SPATA22: variants seen among roughly 807,000 people sequenced by gnomAD.
SPATA22 encodes spermatogenesis-associated protein 22.
Under a neutral mutation model 47.8 loss-of-function variants are expected in SPATA22, and 29 were observed. The observed-to-expected ratio is 0.61, with a 90% CI of 0.45 to 0.83. The LOEUF is 0.83. Among genes scored for constraint, SPATA22 ranks in the 40% least tolerant of loss-of-function variants. The probability of loss-of-function intolerance (pLI) is 0.00; values close to 1 mark genes in which losing one functional copy is unlikely to be tolerated. For missense variants in SPATA22, 410 were observed against 421.7 expected, an observed-to-expected ratio of 0.97 and a Z score of 0.24; for synonymous variants, 133 against 140.9, an observed-to-expected ratio of 0.94 and a Z score of 0.40.
At chr17:3,456,018 G>A (rs1449683369) in intron 5 of SPATA22, among the ~76,000 whole-genome samples, 2 of 152,164 alleles carry the variant, frequency 1.3e-5, no homozygotes, top group Non-Finnish European at 2.9e-5. Flanking sequence ...CACGTCCCTT[G>A]TAAGTTGGAT....
At position 3,449,011 on chromosome 17, in the gene SPATA22, T is replaced by C. The variant is rs1567594015; in HGVS notation, c.468A>G (p.Lys156=). 1.2e-6 allele frequency: 2 copies of C among 1,613,966 alleles called. No individual in the cohort carries two copies. Among genetic ancestry groups the C allele is most frequent in the South Asian group, 2.2e-5 (2 of 91,072 alleles). ...CPVSSGAQQQ[K]QLRIPEPPNL... ...TAGGAGGTTCAGGTATTCTTAATTG[T>C]TTTTGTTGTTGAGCTCCCGAACTCA... is the stretch of plus-strand genomic sequence containing the variant. The change falls in exon 6 of 9, where the codon AAA becomes AAG. Residue 156 remains lysine (K), a synonymous_variant. Coordinates refer to ENST00000572969, the MANE Select transcript of SPATA22 (RefSeq NM_001170698.2).
intron 1 of SPATA22, among the ~76,000 whole-genome samples, chr17:3,503,665 C>T (rs1179799948): frequency 6.6e-6 from 1 of 152,168 alleles, no homozygotes; most frequent in African/African-American, 2.4e-5. Context: ...TTCCCTTTTA[C>T]AGTCTTTAAA....
chr17:3,503,738 T>G (rs1407578424), intron 1 of SPATA22, among the ~76,000 whole-genome samples: 1 of 152,204 alleles, frequency 6.6e-6, no homozygotes, highest in Non-Finnish European at 1.5e-5. Context: ...GCTGTGTGGT[T>G]TTAGCCACTT....
At chr17:3,453,196 G>A (rs1238207633) in intron 5 of SPATA22, among the ~76,000 whole-genome samples, 1 of 152,144 alleles carries the variant, frequency 6.6e-6, no homozygotes, top group Non-Finnish European at 1.5e-5. Flanking sequence ...CACTTCATGG[G>A]TGAGGTGACA....
At chr17:3,471,879 G>C, upstream of SPATA22, 1 of 985,168 alleles carries the variant, frequency 1.0e-6, no homozygotes, top group Non-Finnish European at 1.2e-6. Flanking sequence ...CGGCGCGATG[G>C]CATCTTCGCT....
At position 3,483,583 on chromosome 17, in the gene SPATA22, T is replaced by A; in HGVS notation, c.-73-14185A>T. 4 of 1,612,774 alleles carry A rather than the reference T, an allele frequency of 2.5e-6. No individual in the cohort carries two copies. The highest frequency in any genetic ancestry group is 3.4e-6 in the Non-Finnish European group (4 of 1,178,712). On this transcript the variant is annotated intron_variant, in intron 1 of 8. Coordinates refer to the SPATA22 transcript ENST00000541913. ...TGCGACCACTCGTTCCATAGCCAAG[T>A]ATCCTGTGGGTAAGTCATAGTTCCC...
chr17:3,473,718 G>A (rs1398750145), upstream of SPATA22, among the ~76,000 whole-genome samples: 2 of 152,006 alleles, frequency 1.3e-5, no homozygotes. Flanking sequence ...GGATGGTCTC[G>A]AACTCCTGAC....
intron 1 of SPATA22, chr17:3,481,744 T>C: frequency 6.2e-7 from 1 of 1,613,498 alleles, no homozygotes; most frequent in Non-Finnish European, 8.5e-7. Flanking sequence ...GGTGCACTCT[T>C]ATTCTTGAGG....
chr17:3,482,452 C>T (rs1353270708), intron 1 of SPATA22, among the ~76,000 whole-genome samples: 1 of 152,316 alleles, frequency 6.6e-6, no homozygotes, highest in Non-Finnish European at 1.5e-5. Flanking sequence ...TTTCTGTGTA[C>T]TAGATAGCCT....
chr17:3,464,589 G>A (rs1245613664), intron 3 of SPATA22, among the ~76,000 whole-genome samples: 2 of 143,022 alleles, frequency 1.4e-5, no homozygotes, highest in South Asian at 4.5e-4. Flanking sequence ...GTCTCTGCCG[G>A]GCCGCCCATC....
At chr17:3,487,904 T>G (rs952845093) in intron 1 of SPATA22, among the ~76,000 whole-genome samples, 2 of 152,230 alleles carry the variant, frequency 1.3e-5, no homozygotes, top group Non-Finnish European at 2.9e-5. Flanking sequence ...AAACACACTT[T>G]TTCACATATT....
At chr17:3,478,277 A>C (rs8068239) in intron 1 of SPATA22, among the ~76,000 whole-genome samples, 5,615 of 152,270 alleles carry the variant, frequency 0.037, 160 homozygotes, top group East Asian at 0.11. Flanking sequence ...AATTTGAGTT[A>C]GATCACTCCT....
At chr17:3,505,041 C>T (rs11656519) in intron 1 of SPATA22, among the ~76,000 whole-genome samples, 113,220 of 152,032 alleles carry the variant, frequency 0.74, 43,924 homozygotes, top group Non-Finnish European at 0.85. Context: ...AATTTGGCCA[C>T]ATAAGACTTC....
chr17:3,489,194 C>T, intron 1 of SPATA22: 1 of 1,181,668 alleles, frequency 8.5e-7, no homozygotes, highest in Non-Finnish European at 1.3e-6. Flanking sequence ...AATATATTTT[C>T]ATACTTATAT....
At chr17:3,479,993 G>GA (rs1176772312) in intron 1 of SPATA22, among the ~76,000 whole-genome samples, 3 of 151,988 alleles carry the variant, frequency 2.0e-5, no homozygotes, top group East Asian at 1.9e-4. Context: ...CCTTGTGCCA[G>GA]AAAAAAAATA....
chr17:3,493,215 C>G (rs1419478235), intron 1 of SPATA22, among the ~76,000 whole-genome samples: 1 of 152,176 alleles, frequency 6.6e-6, no homozygotes, highest in Non-Finnish European at 1.5e-5. Context: ...GGCAGGCTGC[C>G]TGCATCACAA....
At chr17:3,474,131 A>C (rs2150740112), upstream of SPATA22, 1 of 152,342 alleles carries the variant, frequency 6.6e-6, no homozygotes, top group South Asian at 2.1e-4. Flanking sequence ...CTTTTTCCTA[A>C]TAAAGCTTTC....
At chr17:3,467,183 A>G (rs1460114784) in intron 3 of SPATA22, among the ~76,000 whole-genome samples, 1 of 152,218 alleles carries the variant, frequency 6.6e-6, no homozygotes, top group Non-Finnish European at 1.5e-5. Flanking sequence ...AATATATGTT[A>G]CTACTTTATT....
At chr17:3,464,024 A>G (rs1180287324) in intron 3 of SPATA22, among the ~76,000 whole-genome samples, 1 of 141,270 alleles carries the variant, frequency 7.1e-6, no homozygotes, top group African/African-American at 2.6e-5. Flanking sequence ...TCTCCCTCTC[A>G]TGCCAAGCCG....
Sources: gnomAD v4.1 joint callset for allele counts (sites outside exome capture counted in the v4.1 genomes callset) on GRCh38, gnomAD v4.1.1 for gene constraint, MANE v1.5 for transcripts, NCBI Gene and HGNC (gene_info 2026-07-23, HGNC 2026-07-21) for gene names.